Variants in UBASH3B observed in about 807,000 individuals in gnomAD.
The protein encoded by UBASH3B is ubiquitin-associated and SH3 domain-containing protein B.
In UBASH3B, 37 loss-of-function variants were observed where a neutral mutation model predicts 83.4. The observed-to-expected ratio is 0.44, with a 90% CI of 0.34 to 0.58. The LOEUF (loss-of-function observed/expected upper bound fraction) is 0.58. Among genes scored for constraint, UBASH3B ranks in the 20% least tolerant of loss-of-function variants. The pLI is 0.01. For synonymous variants in UBASH3B, 304 were observed against 318.3 expected (o/e 0.96, Z 0.48); for missense variants, 657 against 827.2 (o/e 0.79, Z 2.52).
chr11:122,709,493 T>C (rs186015394), intron 1 of UBASH3B: 11 of 152,356 alleles, frequency 7.2e-5, no homozygotes, highest in Admixed American at 7.2e-4. Flanking sequence ...GCTTTGACTT[T>C]ACTAAATCAG....
At chr11:122,710,048 TG>T (rs1168967445) in intron 1 of UBASH3B, among the ~76,000 whole-genome samples, 1 of 148,442 alleles carries the variant, frequency 6.7e-6, no homozygotes, top group African/African-American at 2.5e-5. Context: ...CCTAGCTACT[TG>T]GGAGGCTGAG....
At position 122,656,148 on chromosome 11, in the gene UBASH3B, C is replaced by T; in HGVS notation, c.99C>T (p.Gly33=). The T allele has an allele frequency of 1.3e-6, 2 of 1,585,922 alleles. No individual in the cohort carries two copies. The highest frequency in any genetic ancestry group is 1.7e-6 in the Non-Finnish European group (2 of 1,167,262). Residue 33 remains glycine (G), a synonymous_variant, in exon 1 of 14, where the codon GGC becomes GGT. Transcript: ENST00000284273. The part of the protein sequence containing the change: ...TPRRNRQQRP[G]TIKHGSALDV... The stretch of plus-strand genomic sequence containing the variant: ...GGAGGAACCGCCAACAGCGCCCCGG[C>T]ACCATCAAGCATGGATCGGCGCTGG...
intron 6 of UBASH3B, among the ~76,000 whole-genome samples, chr11:122,793,978 ATG>A (rs1485835887): frequency 1.3e-5 from 2 of 152,196 alleles, no homozygotes; most frequent in African/African-American, 2.4e-5. Flanking sequence ...TTCACTTCAG[ATG>A]GAAATTACCA....
At chr11:122,802,967 G>A (rs371797740) in intron 11 of UBASH3B, among the ~76,000 whole-genome samples, 19 of 152,158 alleles carry the variant, frequency 1.2e-4, no homozygotes, top group East Asian at 7.7e-4. Flanking sequence ...GATGTGTTTT[G>A]CCATTGCCTC....
chr11:122,809,919 TG>T lies in UBASH3B; in HGVS notation c.*35del, dbSNP rs1344655483. The T allele has an allele frequency of 6.2e-7, 1 of 1,610,222 alleles. No individual in the cohort carries two copies. Among genetic ancestry groups the T allele is most frequent in the Non-Finnish European group, 8.5e-7 (1 of 1,178,784 alleles). On this transcript the variant is annotated 3_prime_UTR_variant, in exon 14 of 14. Coordinates refer to ENST00000284273, the MANE Select transcript of UBASH3B (RefSeq NM_032873.5). ...CAGTGAACAAGAAGGAAAGGCCTTT[TG>T]GAGTGTGTCTTTCTGTGTGTTTAAA...
intron 1 of UBASH3B, among the ~76,000 whole-genome samples, chr11:122,660,191 A>G (rs542895538): frequency 5.3e-5 from 8 of 152,224 alleles, no homozygotes; most frequent in Non-Finnish European, 1.0e-4. Flanking sequence ...CCATTCCACT[A>G]TATGAACTTC....
chr11:122,683,357 G>A (rs1258654628), intron 1 of UBASH3B, among the ~76,000 whole-genome samples: 1 of 151,918 alleles, frequency 6.6e-6, no homozygotes, highest in Non-Finnish European at 1.5e-5. Context: ...GCTCATACCT[G>A]TAATCCCAGC....
In UBASH3B at chr11:122,699,566, T is replaced by TTTCTTTCTTTCTTTCC. The variant is rs1555137188; in HGVS notation, c.161+43366_161+43367insCTTTCCTTCTTTCTTT. Reference sequence around the variant, plus strand: ...CTTTCTTTCTTTCTTTCTTTCTTTCTTTCTTTCTTTTCTTTCTTTCCTTTC... The same window carrying TTTCTTTCTTTCTTTCC: ...CTTTCTTTCTTTCTTTCTTTCTTTCTTTCTTTCTTTCTTTCCTTCTTTCTTTTCTTTCTTTCCTTTC... On this transcript the variant is annotated intron_variant, in intron 1 of 13. Transcript: ENST00000284273. Among the ~76,000 whole-genome samples, 135 of 135,748 alleles carry TTTCTTTCTTTCTTTCC rather than the reference T, an allele frequency of 9.9e-4. 1 individual carries two copies. Among genetic ancestry groups the TTTCTTTCTTTCTTTCC allele is most frequent in the South Asian group, 5.9e-3 (26 of 4,384 alleles). The allele number at this position is 135,748 out of a possible 152,430, so 89.1% of individuals were successfully genotyped here.
chr11:122,666,266 T>C (rs1863517101), intron 1 of UBASH3B, among the ~76,000 whole-genome samples: 1 of 152,236 alleles, frequency 6.6e-6, no homozygotes, highest in African/African-American at 2.4e-5. Flanking sequence ...GCTCCCTAAG[T>C]GTTTATTCCT....
At chr11:122,749,320 A>C (rs1255162752) in intron 1 of UBASH3B, among the ~76,000 whole-genome samples, 1 of 152,264 alleles carries the variant, frequency 6.6e-6, no homozygotes, top group African/African-American at 2.4e-5. Flanking sequence ...TATGGATGCT[A>C]TAATTAGCAC....
At chr11:122,804,356 T>G (rs1432498895) in intron 11 of UBASH3B, among the ~76,000 whole-genome samples, 1 of 152,094 alleles carries the variant, frequency 6.6e-6, no homozygotes, top group Non-Finnish European at 1.5e-5. Context: ...GAAACAGGCA[T>G]GCTGAGAGAA....
intron 1 of UBASH3B, among the ~76,000 whole-genome samples, chr11:122,753,586 T>A (rs1350212946): frequency 7.0e-6 from 1 of 142,138 alleles, no homozygotes; most frequent in East Asian, 2.4e-4. Flanking sequence ...AACCTCCTCC[T>A]CCCGGGTTCA....
chr11:122,749,697 T>A (rs925103584), intron 1 of UBASH3B, among the ~76,000 whole-genome samples: 5 of 152,246 alleles, frequency 3.3e-5, no homozygotes, highest in Admixed American at 2.0e-4. Flanking sequence ...AACAGAGTAA[T>A]CGCTATTTGA....
intron 6 of UBASH3B, among the ~76,000 whole-genome samples, chr11:122,791,136 A>G (rs563580218): frequency 4.8e-4 from 73 of 152,346 alleles, no homozygotes; most frequent in African/African-American, 1.8e-3. Flanking sequence ...TAATGATGTC[A>G]TGTCTCTGAG....
chr11:122,671,010 A>G (rs1192694300), intron 1 of UBASH3B, among the ~76,000 whole-genome samples: 1 of 151,884 alleles, frequency 6.6e-6, no homozygotes, highest in Non-Finnish European at 1.5e-5. Context: ...TGATCTGCCC[A>G]CCTCGGCCTC....
chr11:122,732,643 T>C (rs1425077618), intron 1 of UBASH3B, among the ~76,000 whole-genome samples: 1 of 152,228 alleles, frequency 6.6e-6, no homozygotes, highest in Non-Finnish European at 1.5e-5. Context: ...CCTGTGTTTA[T>C]AATGGAGATG....
chr11:122,746,901 C>T (rs758952672), intron 1 of UBASH3B, among the ~76,000 whole-genome samples: 1 of 152,148 alleles, frequency 6.6e-6, no homozygotes, highest in African/African-American at 2.4e-5. Context: ...GAAAGGATTT[C>T]GCTGAATGGT....
At chr11:122,782,992 G>A in intron 4 of UBASH3B, 61 bp from the exon 5 acceptor site, 2 of 1,556,052 alleles carry the variant, frequency 1.3e-6, no homozygotes, top group Non-Finnish European at 1.7e-6. Context: ...CTTTCCTTAA[G>A]TCTTCACCAT....
intron 1 of UBASH3B, among the ~76,000 whole-genome samples, chr11:122,708,046 G>T (rs1342352792): frequency 6.6e-6 from 1 of 152,026 alleles, no homozygotes; most frequent in African/African-American, 2.4e-5. Context: ...TTCTTCTTTG[G>T]CTATCTCTTC....
Sources: gnomAD v4.1 joint callset for allele counts (sites outside exome capture counted in the v4.1 genomes callset) on GRCh38, gnomAD v4.1.1 for gene constraint, MANE v1.5 for transcripts, NCBI Gene and HGNC (gene_info 2026-07-23, HGNC 2026-07-21) for gene names.